Variants in CNOT2 observed in about 807,000 individuals in gnomAD.
The protein encoded by CNOT2 is CCR4-NOT transcription complex subunit 2.
In CNOT2, 7 loss-of-function variants were observed where a neutral mutation model predicts 72.1. The observed-to-expected ratio is 0.10, with a 90% CI of 0.06 to 0.18. The LOEUF is 0.18. Ranked by LOEUF, CNOT2 falls within the 10% of genes least tolerant of loss-of-function variation. CNOT2 has a pLI of 1.00. For missense variants in CNOT2, 345 were observed against 660.3 expected (o/e 0.52, Z 5.23); for synonymous variants, 196 against 225.6 (o/e 0.87, Z 1.17).
rs11178179 is a variant in CNOT2 at position 70,300,412 on chromosome 12, T to G, written c.49-10483T>G. Among the ~76,000 whole-genome samples the G allele has an allele frequency of 2.2e-3, 336 of 152,290 alleles. 2 individuals carry two copies. In the East Asian group the frequency reaches 0.033, roughly 15 times the overall value. On this transcript the variant is annotated intron_variant, in intron 2 of 15. Coordinates refer to ENST00000229195, the MANE Select transcript of CNOT2 (RefSeq NM_014515.7). The stretch of plus-strand genomic sequence containing the variant: ...AATTTTTGTATAAGGTGTAAGGAAG[T>G]GATCCAGTTTCAGCTTTCTACATAT...
intron 6 of CNOT2, 48 bp downstream of exon 6, chr12:70,330,517 C>G (rs371036082): frequency 3.7e-5 from 51 of 1,362,704 alleles, no homozygotes; most frequent in Non-Finnish European, 2.0e-6. Flanking sequence ...TGGGTATACT[C>G]AGATTTGCCT....
chr12:70,288,053 T>C (rs1456264576), intron 2 of CNOT2, among the ~76,000 whole-genome samples: 1 of 149,586 alleles, frequency 6.7e-6, no homozygotes, highest in Non-Finnish European at 1.5e-5. Context: ...CCTTCACCAC[T>C]TTTTGCTTAC....
chr12:70,353,075 C>CTTTT (rs372881091), intron 15 of CNOT2, among the ~76,000 whole-genome samples: 1 of 135,512 alleles, frequency 7.4e-6, no homozygotes, highest in Admixed American at 7.3e-5. Context: ...ATGTGTTTTC[C>CTTTT]TTTTTTTTTT....
intron 2 of CNOT2, chr12:70,301,876 A>G (rs1482049926): frequency 6.6e-6 from 1 of 151,904 alleles, no homozygotes; most frequent in Non-Finnish European, 1.5e-5. Flanking sequence ...GTAAGCTATT[A>G]ATTATTGCCT....
intron 1 of CNOT2, among the ~76,000 whole-genome samples, chr12:70,265,093 A>AT (rs772829957): frequency 1.2e-4 from 18 of 150,562 alleles, no homozygotes; most frequent in East Asian, 5.8e-4. Context: ...TTGGTCTTTA[A>AT]TTTTTTTTTG....
chr12:70,280,247 AC>A (rs1357325025), intron 2 of CNOT2, among the ~76,000 whole-genome samples: 12 of 152,154 alleles, frequency 7.9e-5, no homozygotes, highest in African/African-American at 2.9e-4. Flanking sequence ...CCAGCTTTAA[AC>A]AGCTGTTTCC....
chr12:70,284,244 C>CTT (rs759085835), intron 2 of CNOT2, among the ~76,000 whole-genome samples: 1 of 138,692 alleles, frequency 7.2e-6, no homozygotes, highest in African/African-American at 2.7e-5. Flanking sequence ...CTATGCCCAG[C>CTT]TTTTTTTTTT....
chr12:70,337,134 A>G (rs535381746), intron 8 of CNOT2: 5 of 249,168 alleles, frequency 2.0e-5, no homozygotes, highest in South Asian at 1.2e-4. Flanking sequence ...ATCAAATTAA[A>G]TTTTTAAGCA....
chr12:70,244,085 C>T (rs557356896), intron 1 of CNOT2: 2 of 152,428 alleles, frequency 1.3e-5, no homozygotes, highest in African/African-American at 4.8e-5. Flanking sequence ...ACTGGACTGG[C>T]TAACGGGTGT....
At chr12:70,286,764 AG>A (rs1870965468) in intron 2 of CNOT2, among the ~76,000 whole-genome samples, 1 of 147,694 alleles carries the variant, frequency 6.8e-6, no homozygotes, top group South Asian at 2.2e-4. Flanking sequence ...CAACACAAAA[AG>A]AAGTATTGAG....
At chr12:70,326,542 G>A (rs932941771) in intron 4 of CNOT2, among the ~76,000 whole-genome samples, 32 of 150,976 alleles carry the variant, frequency 2.1e-4, no homozygotes, top group African/African-American at 7.5e-4. Context: ...AATTATACTA[G>A]TGAGAGATTA....
At chr12:70,305,566 A>G (rs1875136636) in intron 2 of CNOT2, among the ~76,000 whole-genome samples, 1 of 152,224 alleles carries the variant, frequency 6.6e-6, no homozygotes, top group Admixed American at 6.5e-5. Context: ...TAATTGTTGA[A>G]GATCACAAAG....
Position 70,354,688 on chromosome 12 carries a change from ATG to A in CNOT2, c.*775_*776del, listed in dbSNP as rs1384244346. 1 of 152,582 alleles carries A rather than the reference ATG, an allele frequency of 6.6e-6. No individual in the cohort carries two copies. The highest frequency in any genetic ancestry group is 2.4e-5 in the African/African-American group (1 of 41,428). The allele number at this position is 152,582 out of a possible 1,614,324, so 9.5% of individuals were successfully genotyped here. ...ATATATATGACATCTATTTTGGAAA[ATG>A]TTTGCCCTGCTGTACCTCATTTTTA... On this transcript the variant is annotated 3_prime_UTR_variant, in exon 16 of 16. Transcript: ENST00000229195.
intron 1 of CNOT2, among the ~76,000 whole-genome samples, chr12:70,254,980 C>CAAAA (rs34311334): frequency 1.8e-5 from 2 of 110,840 alleles, no homozygotes; most frequent in Non-Finnish European, 3.8e-5. Flanking sequence ...GACTGCATCT[C>CAAAA]AAAAAAAAAA....
At chr12:70,348,281 G>C (rs924735579) in intron 15 of CNOT2, among the ~76,000 whole-genome samples, 1 of 152,124 alleles carries the variant, frequency 6.6e-6, no homozygotes, top group Admixed American at 6.5e-5. Flanking sequence ...TCAAACTATA[G>C]CTTGTATCAG....
chr12:70,346,076 T>C (rs963592690), intron 14 of CNOT2, 104 bp from the exon 15 acceptor site: 3 of 682,130 alleles, frequency 4.4e-6, no homozygotes, highest in Admixed American at 2.8e-5. Context: ...TTATTTATTT[T>C]ATGTGTAATT....
At chr12:70,339,882 A>G (rs12315816) in intron 11 of CNOT2, among the ~76,000 whole-genome samples, 2,056 of 152,202 alleles carry the variant, frequency 0.014, 45 homozygotes, top group African/African-American at 0.046. Context: ...ACCTACACCT[A>G]TGTTATTCTT....
chr12:70,307,784 C>T (rs2135945022), intron 2 of CNOT2: 1 of 152,192 alleles, frequency 6.6e-6, no homozygotes, highest in East Asian at 1.9e-4. Context: ...CTTTATTCAA[C>T]TACTACTCAC....
intron 2 of CNOT2, among the ~76,000 whole-genome samples, chr12:70,302,257 G>A (rs1326278499): frequency 6.6e-6 from 1 of 151,364 alleles, no homozygotes; most frequent in Non-Finnish European, 1.5e-5. Context: ...CCTTCTGCTA[G>A]CTTTTGAATG....
Sources: allele counts gnomAD v4.1 joint callset (sites outside exome capture counted in the v4.1 genomes callset), GRCh38; gene constraint gnomAD v4.1.1; transcripts MANE v1.5; gene names NCBI Gene and HGNC (gene_info 2026-07-23, HGNC 2026-07-21).